The following PACSIN2 variants were observed in gnomAD, a reference collection of about 807,000 sequenced individuals.
PACSIN2 encodes protein kinase C and casein kinase substrate in neurons 2.
A neutral mutation model predicts 63.8 loss-of-function variants in PACSIN2; 25 were observed. That is an observed-to-expected ratio of 0.39 (90% CI 0.29 to 0.55). The LOEUF (loss-of-function observed/expected upper bound fraction) is 0.55. Among genes scored for constraint, PACSIN2 ranks in the 20% least tolerant of loss-of-function variants. The probability of loss-of-function intolerance (pLI) is 0.62; values close to 1 mark genes in which losing one functional copy is unlikely to be tolerated. For synonymous variants in PACSIN2, 255 were observed against 256.2 expected, an observed-to-expected ratio of 1.00 and a Z score of 0.05; for missense variants, 518 against 646.9, an observed-to-expected ratio of 0.80 and a Z score of 2.16.
At position 42,870,273 on chromosome 22, in the gene PACSIN2, C is replaced by T. The variant is rs9284520; in HGVS notation, c.*1084G>A. On this transcript the variant is annotated 3_prime_UTR_variant, in exon 11 of 11. Coordinates refer to ENST00000263246, the MANE Select transcript of PACSIN2 (RefSeq NM_001184970.3). ...AGCCGGACCAGCAGTCAGCTGGTGA[C>T]GACGAGCCTCCCTCCAGCAGGCACC... 0.019 allele frequency: 2,912 copies of T among 152,310 alleles called. 45 individuals carry two copies. The highest frequency in any genetic ancestry group is 0.029 in the Non-Finnish European group (1,960 of 68,024). The allele number at this position is 152,310 out of a possible 1,614,324, so 9.4% of individuals were successfully genotyped here. A position where few individuals can be genotyped will look rare whatever the true frequency, so the allele number is the denominator to read the frequency against.
chr22:42,983,470 A>T (rs889467198), intron 1 of PACSIN2, among the ~76,000 whole-genome samples: 2 of 130,860 alleles, frequency 1.5e-5, no homozygotes, highest in Admixed American at 8.9e-5. Flanking sequence ...AGCCTGGACA[A>T]CAGAGTGAGA....
chr22:42,886,330 C>A (rs1249612636), intron 5 of PACSIN2, among the ~76,000 whole-genome samples: 1 of 152,176 alleles, frequency 6.6e-6, no homozygotes, highest in Non-Finnish European at 1.5e-5. Context: ...GCAAAAAGTT[C>A]TTTTATGATG....
chr22:42,958,753 C>G (rs1934015849), intron 1 of PACSIN2, among the ~76,000 whole-genome samples: 1 of 152,166 alleles, frequency 6.6e-6, no homozygotes, highest in South Asian at 2.1e-4. Context: ...GCATGTTTTT[C>G]TGTGAGGCAC....
intron 2 of PACSIN2, among the ~76,000 whole-genome samples, chr22:42,896,590 C>T (rs141169351): frequency 5.9e-5 from 9 of 152,306 alleles, no homozygotes; most frequent in South Asian, 2.1e-4. Flanking sequence ...GAAGCTATAA[C>T]GTTCATCTAT....
intron 1 of PACSIN2, among the ~76,000 whole-genome samples, chr22:42,955,050 C>T (rs112736159): frequency 1.3e-5 from 2 of 152,162 alleles, no homozygotes; most frequent in Non-Finnish European, 2.9e-5. Context: ...CCCTCTAAAA[C>T]TCATCATCAA....
chr22:43,000,646 A>G (rs1182416497), intron 1 of PACSIN2, among the ~76,000 whole-genome samples: 1 of 152,218 alleles, frequency 6.6e-6, no homozygotes, highest in Non-Finnish European at 1.5e-5. Context: ...GACTTGTCTG[A>G]GCTATAAGGG....
intron 1 of PACSIN2, among the ~76,000 whole-genome samples, chr22:42,934,674 ACCCTTTGCCCACCACTGT>A (rs1163313583): frequency 6.6e-6 from 1 of 152,064 alleles, no homozygotes; most frequent in African/African-American, 2.4e-5. Flanking sequence ...CGTTCTAGTG[ACCCTTTGCCCACCACTGT>A]CCCGTTATAG....
intron 1 of PACSIN2, among the ~76,000 whole-genome samples, chr22:42,912,622 CTG>C (rs1481648723): frequency 2.0e-5 from 3 of 152,372 alleles, no homozygotes; most frequent in Admixed American, 2.0e-4. Context: ...CTGACACTGT[CTG>C]TGTGTGGCTC....
At chr22:42,901,632 G>A (rs1569244618) in intron 2 of PACSIN2, among the ~76,000 whole-genome samples, 1 of 152,256 alleles carries the variant, frequency 6.6e-6, no homozygotes, top group Non-Finnish European at 1.5e-5. Flanking sequence ...ACACTGCACG[G>A]TAGGTTTCTT....
At chr22:42,907,951 C>T (rs533870302) in intron 2 of PACSIN2, among the ~76,000 whole-genome samples, 2 of 152,356 alleles carry the variant, frequency 1.3e-5, no homozygotes, top group South Asian at 2.1e-4. Flanking sequence ...CAGCCCGACT[C>T]AGAGCAAGTT....
chr22:42,959,652 C>G (rs975927628), intron 1 of PACSIN2: 1 of 152,214 alleles, frequency 6.6e-6, no homozygotes, highest in African/African-American at 2.4e-5. Context: ...ATTGCCGTCA[C>G]GGAGCTCTAA....
intron 1 of PACSIN2, among the ~76,000 whole-genome samples, chr22:42,975,247 T>C (rs1218386903): frequency 6.6e-6 from 1 of 152,160 alleles, no homozygotes; most frequent in Non-Finnish European, 1.5e-5. Context: ...TTTCACAGGA[T>C]ACAGAAATCC....
chr22:42,922,051 A>C (rs770450919), intron 1 of PACSIN2, among the ~76,000 whole-genome samples: 1 of 152,232 alleles, frequency 6.6e-6, no homozygotes, highest in African/African-American at 2.4e-5. Context: ...TCTAAGGGGC[A>C]CTTCTCAGGA....
rs532537143 is a variant in PACSIN2 at position 42,891,137 on chromosome 22, G to A, written c.263C>T (p.Ser88Phe). 6.2e-7 allele frequency: 1 copy of A among 1,614,036 alleles called. No individual in the cohort carries two copies. The highest frequency in any genetic ancestry group is 1.3e-5 in the African/African-American group (1 of 75,032). The part of the protein sequence containing the change: ...TVEKAWMAFM[S>F]EAERVSELHL... ...CAGCTCGCTCACCCTCTCTGCCTCG[G>A]ACATGAAGGCCATCCAGGCCTTCTC... Residue 88 changes from serine to phenylalanine, a missense_variant, in exon 4 of 11, where the codon TCC becomes TTC. Ser to Phe is a radical substitution (Grantham distance 155). Around this residue, in one of 2 missense-constraint regions of PACSIN2, gnomAD observed 507 missense variants for 612.3 expected, o/e 0.83. Transcript: ENST00000263246.
intron 3 of PACSIN2, among the ~76,000 whole-genome samples, chr22:42,892,603 T>C (rs1345751775): frequency 6.6e-6 from 1 of 152,196 alleles, no homozygotes; most frequent in Non-Finnish European, 1.5e-5. Context: ...TGACCTATCC[T>C]AGGCCCCTCC....
At chr22:42,889,375 C>CACACACACAT (rs760559551) in intron 4 of PACSIN2, among the ~76,000 whole-genome samples, 178 of 148,218 alleles carry the variant, frequency 1.2e-3, no homozygotes, top group East Asian at 3.1e-3. Context: ...ATGGTTTTTA[C>CACACACACAT]ACACACACAC....
chr22:42,877,179 C>G (rs957152475), intron 8 of PACSIN2, among the ~76,000 whole-genome samples, 169 bp from the exon 9 acceptor site: 5 of 152,190 alleles, frequency 3.3e-5, no homozygotes, highest in Non-Finnish European at 7.3e-5. Flanking sequence ...GGCAATACTT[C>G]AGCTGTGAAA....
chr22:42,874,365 A>G (rs1166342466), intron 10 of PACSIN2, among the ~76,000 whole-genome samples: 4 of 152,148 alleles, frequency 2.6e-5, no homozygotes, highest in Non-Finnish European at 5.9e-5. Context: ...GACCATTCAA[A>G]GAAGAAAAAG....
At position 42,891,185 on chromosome 22, in the gene PACSIN2, G is replaced by A. The variant is rs1285029803; in HGVS notation, c.218-3C>T. 5 of 1,606,868 alleles carry A rather than the reference G, an allele frequency of 3.1e-6. No individual in the cohort carries two copies. Among genetic ancestry groups the A allele is most frequent in the Non-Finnish European group, 4.3e-6 (5 of 1,174,524 alleles). On this transcript the variant is annotated splice_polypyrimidine_tract_variant and splice_region_variant and intron_variant, in intron 3 of 10. Coordinates refer to ENST00000263246, the MANE Select transcript of PACSIN2 (RefSeq NM_001184970.3). Reference sequence around the variant, plus strand: ...CTCCACGGTCCCGTACTGGGGCCCTGTGCAGGGGAGAGAAGCTGCGGGTCA... The same window carrying A: ...CTCCACGGTCCCGTACTGGGGCCCTATGCAGGGGAGAGAAGCTGCGGGTCA...
Sources: gnomAD v4.1 joint callset for allele counts (sites outside exome capture counted in the v4.1 genomes callset) on GRCh38, gnomAD v4.1.1 for gene constraint, gnomAD v4.1.1 regional missense constraint, MANE v1.5 for transcripts, NCBI Gene and HGNC (gene_info 2026-07-23, HGNC 2026-07-21) for gene names.